Variants in SLCO1B3 observed in about 807,000 individuals in gnomAD.
SLCO1B3 encodes liver-specific organic anion transporter 2.
SLCO1B3 carries 72 observed loss-of-function variants against 71.8 expected under a neutral mutation model. The ratio of observed to expected loss-of-function variants is 1.00; its 90% confidence interval spans 0.83 to 1.22. SLCO1B3 has a LOEUF of 1.22. Ranked by LOEUF, SLCO1B3 falls within the 50% of genes most tolerant of loss-of-function variation. SLCO1B3 has a pLI of 0.00. For synonymous variants in SLCO1B3, 298 were observed against 278.4 expected, an observed-to-expected ratio of 1.07 and a Z score of -0.70; for missense variants, 911 against 819.7, an observed-to-expected ratio of 1.11 and a Z score of -1.36.
intron 3 of SLCO1B3, among the ~76,000 whole-genome samples, chr12:20,819,338 AT>A (rs1383801710): frequency 3.3e-5 from 5 of 152,060 alleles, no homozygotes; most frequent in African/African-American, 4.8e-5. Context: ...TGAGGATGAA[AT>A]TTGCGCTTGA....
At chr12:20,811,207 T>C (rs180907235) in intron 1 of SLCO1B3, among the ~76,000 whole-genome samples, 85 of 152,296 alleles carry the variant, frequency 5.6e-4, no homozygotes, top group South Asian at 5.0e-3. Flanking sequence ...GTGGAAAATA[T>C]GTTTCAAAGT....
intron 15 of SLCO1B3, among the ~76,000 whole-genome samples, chr12:20,904,618 T>C (rs7969051): frequency 0.86 from 130,598 of 151,866 alleles, 56,665 homozygotes; most frequent in East Asian, 0.99. Flanking sequence ...GCCCTCTTCT[T>C]ATAGCTCCAC....
intron 3 of SLCO1B3, among the ~76,000 whole-genome samples, chr12:20,852,658 T>C (rs562143704): frequency 2.2e-4 from 34 of 152,346 alleles, no homozygotes; most frequent in African/African-American, 8.2e-4. Context: ...ATCTTCACTT[T>C]GTCATTTAAG....
intron 3 of SLCO1B3, among the ~76,000 whole-genome samples, chr12:20,842,682 G>C (rs2121177487): frequency 6.6e-6 from 1 of 152,178 alleles, no homozygotes; most frequent in South Asian, 2.1e-4. Context: ...AGTCAGACTT[G>C]TTTCTACTAT....
Position 20,883,532 on chromosome 12 carries a change from GT to G in SLCO1B3, c.1614del (p.Ala539GlnfsTer5), listed in dbSNP as rs748895350. ...NTCTRKFFIYVAIQVINSLFS... is the reference protein window; with the variant it reads ...NTCTRKFFIYXAIQVINSLFS... Reference sequence around the variant, plus strand: ...TTGTACAAGGAAATTTTTCATCTATGTTGCAATTCAAGTCATAAACTCTTTG... The same window carrying G: ...TTGTACAAGGAAATTTTTCATCTATGTGCAATTCAAGTCATAAACTCTTTG... On this transcript the variant is annotated frameshift_variant, in exon 13 of 16. Coordinates refer to ENST00000381545, the MANE Select transcript of SLCO1B3 (RefSeq NM_019844.4). LOFTEE classifies it high-confidence loss of function. The G allele has an allele frequency of 6.2e-7, 1 of 1,605,008 alleles. No individual in the cohort carries two copies. Among genetic ancestry groups the G allele is most frequent in the Non-Finnish European group, 8.5e-7 (1 of 1,176,710 alleles).
chr12:20,827,573 CT>C (rs34082239), intron 3 of SLCO1B3, among the ~76,000 whole-genome samples: 121,698 of 150,714 alleles, frequency 0.81, 49,349 homozygotes, highest in East Asian at 0.96. Flanking sequence ...CTTCCAATTT[CT>C]TTTTTTTTTC....
At chr12:20,869,081 A>G (rs998485062) in intron 8 of SLCO1B3, among the ~76,000 whole-genome samples, 2 of 152,162 alleles carry the variant, frequency 1.3e-5, no homozygotes, top group Non-Finnish European at 2.9e-5. Flanking sequence ...AACTGCGGGC[A>G]AGCCTGACTA....
At chr12:20,816,726 G>T (rs1289138540) in intron 3 of SLCO1B3, among the ~76,000 whole-genome samples, 1 of 152,188 alleles carries the variant, frequency 6.6e-6, no homozygotes, top group Non-Finnish European at 1.5e-5. Context: ...CAGTGGGATT[G>T]CTGGATCACG....
In SLCO1B3 at chr12:20,815,796, A is replaced by G; in HGVS notation, c.58A>G (p.Lys20Glu). Residue 20 changes from lysine to glutamate, a missense_variant, in exon 3 of 16, where the codon AAA (lysine) becomes GAA (glutamate). Transcript: ENST00000381545. Reference protein sequence around the residue: ...TAESASSEKKKTRRCNGFKMF... With the variant: ...TAESASSEKKETRRCNGFKMF... ...AGAGTCAGCATCTTCAGAGAAAAAG[A>G]AAACAAGACGCTGCAATGGATTCAA... 1 of 1,597,736 alleles carries G rather than the reference A, an allele frequency of 6.3e-7. No homozygotes were observed. Among genetic ancestry groups the G allele is most frequent in the Non-Finnish European group, 8.5e-7 (1 of 1,170,996 alleles).
intron 3 of SLCO1B3, among the ~76,000 whole-genome samples, chr12:20,828,317 AAAG>A (rs1243472262): frequency 1.3e-5 from 2 of 151,278 alleles, no homozygotes; most frequent in Non-Finnish European, 1.5e-5. Flanking sequence ...AAAAAAAAAA[AAAG>A]GTAACACAAT....
At chr12:20,836,334 G>A (rs11045547) in intron 3 of SLCO1B3, among the ~76,000 whole-genome samples, 9,510 of 152,032 alleles carry the variant, frequency 0.063, 405 homozygotes, top group South Asian at 0.095. Context: ...ATGCATACCT[G>A]GAATAAATCC....
chr12:20,905,193 G>A (rs1866217070), intron 15 of SLCO1B3, among the ~76,000 whole-genome samples: 1 of 152,116 alleles, frequency 6.6e-6, no homozygotes, highest in South Asian at 2.1e-4. Flanking sequence ...ATCTCCCAAG[G>A]TTGCACAGGG....
chr12:20,908,155 G>A (rs960617158), intron 15 of SLCO1B3, among the ~76,000 whole-genome samples: 1 of 151,944 alleles, frequency 6.6e-6, no homozygotes, highest in Non-Finnish European at 1.5e-5. Context: ...TTTTAAAAAG[G>A]GCAGTTCATT....
chr12:20,910,673 T>C (rs1482723829), intron 15 of SLCO1B3, among the ~76,000 whole-genome samples: 1 of 152,202 alleles, frequency 6.6e-6, no homozygotes, highest in Non-Finnish European at 1.5e-5. Flanking sequence ...CTTTTGTATA[T>C]ATTTTGCTAA....
At chr12:20,818,300 T>A (rs917137196) in intron 3 of SLCO1B3, among the ~76,000 whole-genome samples, 1 of 152,114 alleles carries the variant, frequency 6.6e-6, no homozygotes, top group African/African-American at 2.4e-5. Flanking sequence ...ACTAAGAGCC[T>A]AAAAAAATGC....
chr12:20,912,021 G>A (rs1866388033), intron 15 of SLCO1B3, among the ~76,000 whole-genome samples: 1 of 151,998 alleles, frequency 6.6e-6, no homozygotes, highest in Admixed American at 6.6e-5. Context: ...TTAAATGATT[G>A]ATTTAAGATA....
intron 15 of SLCO1B3, among the ~76,000 whole-genome samples, chr12:20,912,079 A>G (rs1468166646): frequency 6.6e-6 from 1 of 151,962 alleles, no homozygotes; most frequent in Admixed American, 6.6e-5. Flanking sequence ...ATAACATTTG[A>G]TGTTATAATT....
intron 3 of SLCO1B3, among the ~76,000 whole-genome samples, chr12:20,823,589 T>G (rs1398503074): frequency 2.0e-5 from 3 of 152,222 alleles, no homozygotes; most frequent in Non-Finnish European, 4.4e-5. Flanking sequence ...TAATTATTTG[T>G]ATAAAGTGCA....
chr12:20,879,642 A>C lies in SLCO1B3; in HGVS notation c.1331+11A>C, dbSNP rs1441185573. On this transcript the variant is annotated intron_variant, in intron 11 of 15. Transcript: ENST00000381545. Reference sequence around the variant, plus strand: ...CTTGACCTATGATGGGTTTGTATATATTGCTATATAAATTGTGTAATATGT... The same window carrying C: ...CTTGACCTATGATGGGTTTGTATATCTTGCTATATAAATTGTGTAATATGT... 3.2e-6 allele frequency: 5 copies of C among 1,545,268 alleles called. No individual in the cohort carries two copies. The South Asian group carries it at 5.9e-5, about 18-fold the overall frequency.
Sources: gnomAD v4.1 joint callset for allele counts (sites outside exome capture counted in the v4.1 genomes callset) on GRCh38, gnomAD v4.1.1 for gene constraint, MANE v1.5 for transcripts, NCBI Gene and HGNC (gene_info 2026-07-23, HGNC 2026-07-21) for gene names.